Variants in GNG7 observed in about 807,000 individuals in gnomAD.
GNG7 encodes guanine nucleotide-binding protein G(I)/G(S)/G(O) subunit gamma-7.
GNG7 carries 1 observed loss-of-function variant against 4.0 expected under a neutral mutation model. The ratio of observed to expected loss-of-function variants is 0.25; its 90% CI spans 0.09 to 1.18. GNG7 has a LOEUF of 1.18. Ranked by LOEUF, GNG7 falls within the 50% of genes most tolerant of loss-of-function variation. The pLI is 0.50. For synonymous variants in GNG7, 34 were observed against 36.9 expected, an observed-to-expected ratio of 0.92 and a Z score of 0.29; for missense variants, 86 against 91.9, an observed-to-expected ratio of 0.94 and a Z score of 0.26.
chr19:2,527,398 C>T (rs1017665946), intron 3 of GNG7, among the ~76,000 whole-genome samples: 1 of 152,172 alleles, frequency 6.6e-6, no homozygotes, highest in Non-Finnish European at 1.5e-5. Flanking sequence ...GGCCTGGGTT[C>T]CTGCCTGGAG....
At chr19:2,533,090 G>T (rs1262708928) in intron 3 of GNG7, among the ~76,000 whole-genome samples, 1 of 151,884 alleles carries the variant, frequency 6.6e-6, no homozygotes, top group Non-Finnish European at 1.5e-5. Context: ...TTCACACAAT[G>T]AAATACGGCT....
At chr19:2,702,063 C>T (rs1001258449) in intron 1 of GNG7, among the ~76,000 whole-genome samples, 13 of 151,128 alleles carry the variant, frequency 8.6e-5, no homozygotes, top group Admixed American at 7.9e-4. Flanking sequence ...ATTCCAGACC[C>T]CTCCCCAGCC....
chr19:2,529,367 G>A (rs553144338), intron 3 of GNG7, among the ~76,000 whole-genome samples: 2 of 152,262 alleles, frequency 1.3e-5, no homozygotes, highest in East Asian at 1.9e-4. Context: ...ACAAGCATGC[G>A]CCACCACGCC....
intron 2 of GNG7, among the ~76,000 whole-genome samples, chr19:2,591,280 A>C (rs898684418): frequency 6.6e-6 from 1 of 152,116 alleles, no homozygotes; most frequent in Non-Finnish European, 1.5e-5. Flanking sequence ...TTTGTCAGGC[A>C]TACTCCTACT....
chr19:2,549,851 G>T (rs1460283245), intron 3 of GNG7, among the ~76,000 whole-genome samples: 1 of 152,232 alleles, frequency 6.6e-6, no homozygotes, highest in Non-Finnish European at 1.5e-5. Context: ...CAGTGAGTTC[G>T]TCTTGGCCTC....
At chr19:2,585,609 C>T (rs1980647956) in intron 2 of GNG7, among the ~76,000 whole-genome samples, 1 of 152,180 alleles carries the variant, frequency 6.6e-6, no homozygotes, top group Non-Finnish European at 1.5e-5. Flanking sequence ...TCTTCATCTC[C>T]AGATTGGGAT....
At chr19:2,553,366 G>A (rs1979397699) in intron 3 of GNG7, among the ~76,000 whole-genome samples, 1 of 141,662 alleles carries the variant, frequency 7.1e-6, no homozygotes, top group Non-Finnish European at 1.5e-5. Flanking sequence ...ATACTGACAT[G>A]CCAGCATGGT....
intron 1 of GNG7, among the ~76,000 whole-genome samples, chr19:2,661,326 A>AAGAG (rs1491476077): frequency 1.4e-5 from 2 of 146,052 alleles, no homozygotes; most frequent in Non-Finnish European, 3.0e-5. Context: ...GAAAGAAAGA[A>AAGAG]AGAAAGAAAG....
At chr19:2,688,199 G>C (rs1913046818) in intron 1 of GNG7, among the ~76,000 whole-genome samples, 1 of 152,250 alleles carries the variant, frequency 6.6e-6, no homozygotes, top group East Asian at 1.9e-4. Flanking sequence ...CTTGCAGTGA[G>C]CCAAGATCGC....
chr19:2,645,244 T>TC lies in GNG7; in HGVS notation c.-78+979_-78+980insG, dbSNP rs561962870. 8.9e-4 allele frequency among the ~76,000 whole-genome samples: 25 copies of TC among 28,118 alleles called. No homozygotes were observed. The South Asian group carries it at 0.015, about 17-fold the overall frequency. 18.4% of individuals were successfully genotyped at this position (28,118 alleles called of 152,430 possible). ...TCTTTCTTTTCTCTCTCTCTCTCTC[T>TC]TTTTTTTTTTTTTAGAAGGAGTTTC... On this transcript the variant is annotated intron_variant, in intron 2 of 4. Coordinates refer to ENST00000382159, the MANE Select transcript of GNG7 (RefSeq NM_052847.3).
intron 3 of GNG7, among the ~76,000 whole-genome samples, chr19:2,549,433 G>A (rs1979244557): frequency 6.6e-6 from 1 of 152,008 alleles, no homozygotes; most frequent in African/African-American, 2.4e-5. Flanking sequence ...TGAGATTACA[G>A]GCGCCCGCCA....
In GNG7 at chr19:2,681,340, C is replaced by T. The variant is rs112274133; in HGVS notation, c.-135+21306G>A. On this transcript the variant is annotated intron_variant, in intron 1 of 4. Transcript: ENST00000382159. ...CTGGGACTACAGGCGCCCGCCACCA[C>T]GCCCGGCTAATTTTTTGTCCTTTTA... 6.9e-3 allele frequency among the ~76,000 whole-genome samples: 1,050 copies of T among 152,070 alleles called. 11 individuals are homozygous for T. The highest frequency in any genetic ancestry group is 0.024 in the African/African-American group (1,012 of 41,458).
At chr19:2,572,059 T>C (rs10423096) in intron 2 of GNG7, among the ~76,000 whole-genome samples, 23,851 of 152,084 alleles carry the variant, frequency 0.16, 1,938 homozygotes, top group Middle Eastern at 0.25. Context: ...TCTCACTGTG[T>C]CCACCAGGCT....
At chr19:2,695,559 C>T (rs1156617440) in intron 1 of GNG7, among the ~76,000 whole-genome samples, 6 of 152,158 alleles carry the variant, frequency 3.9e-5, no homozygotes, top group Non-Finnish European at 8.8e-5. Context: ...GCAACAGCAG[C>T]GTCCAGGAAA....
Position 2,512,330 on chromosome 19 carries a change from T to C in GNG7, c.*2692A>G. The C allele has an allele frequency of 1.0e-6, 1 of 985,480 alleles. No individual in the cohort carries two copies. Among genetic ancestry groups the C allele is most frequent in the Non-Finnish European group, 1.2e-6 (1 of 829,870 alleles). 61.0% of individuals were successfully genotyped at this position (985,480 alleles called of 1,614,324 possible). On this transcript the variant is annotated 3_prime_UTR_variant, in exon 5 of 5. Transcript: ENST00000382159. The surrounding 1 kb of genome is among the most constrained non-coding windows in gnomAD (Gnocchi z 4.7). ...ACGTCTGCAAAGGTATTTTCCACAG[T>C]GTGGTCACTGAAGTCTACTCAAGAA... is the stretch of plus-strand genomic sequence containing the variant.
intron 2 of GNG7, among the ~76,000 whole-genome samples, chr19:2,639,227 C>T (rs1982415592): frequency 2.2e-5 from 3 of 136,758 alleles, no homozygotes; most frequent in Admixed American, 2.1e-4. Flanking sequence ...GAGTGAGACT[C>T]TGTCAAAAAA....
rs374711072 is a variant in GNG7, at chr19:2,685,467, A to G, written c.-135+17179T>C. Among the ~76,000 whole-genome samples the G allele has an allele frequency of 3.1e-4, 47 of 152,112 alleles. No individual in the cohort carries two copies. In the East Asian group the frequency reaches 5.8e-3, roughly 19 times the overall value. On this transcript the variant is annotated intron_variant, in intron 1 of 4. Coordinates refer to ENST00000382159, the MANE Select transcript of GNG7 (RefSeq NM_052847.3). ...AGCAAGACCCCATCTCTACAAAAAAATTTAAAAATCAGCCGGGCGTGGTGG... is the reference window on the plus strand; with the variant it reads ...AGCAAGACCCCATCTCTACAAAAAAGTTTAAAAATCAGCCGGGCGTGGTGG...
intron 1 of GNG7, among the ~76,000 whole-genome samples, chr19:2,693,197 C>T (rs937451854): frequency 2.0e-5 from 3 of 151,412 alleles, no homozygotes; most frequent in African/African-American, 4.9e-5. Flanking sequence ...GCAGGAGGAT[C>T]GCTTGAGCCC....
At chr19:2,580,059 A>G (rs4334421) in intron 2 of GNG7, among the ~76,000 whole-genome samples, 56,578 of 151,840 alleles carry the variant, frequency 0.37, 12,139 homozygotes, top group African/African-American at 0.58. Context: ...CCCCAGTGCC[A>G]TCCCAGAGGA....
Sources: allele counts gnomAD v4.1 joint callset (sites outside exome capture counted in the v4.1 genomes callset), GRCh38; gene constraint gnomAD v4.1.1; non-coding constraint Gnocchi (gnomAD v3.1); transcripts MANE v1.5; gene names NCBI Gene and HGNC (gene_info 2026-07-23, HGNC 2026-07-21).